BRI3BP: variants seen among roughly 807,000 people sequenced by gnomAD.
BRI3BP encodes the protein BRI3-binding protein.
Under a neutral mutation model 15.8 loss-of-function variants are expected in BRI3BP, and 7 were observed. That is an observed-to-expected ratio of 0.44 (90% CI 0.25 to 0.83). The LOEUF is 0.83. BRI3BP is among the 40% of genes least tolerant of loss of function. The pLI is 0.20. For missense variants in BRI3BP, 320 were observed against 339.3 expected (o/e 0.94, Z 0.45); for synonymous variants, 192 against 163.5 (o/e 1.17, Z -1.33).
Position 124,997,214 on chromosome 12 carries a change from C to T in BRI3BP, c.213+3211C>T, listed in dbSNP as rs200733285. Among the ~76,000 whole-genome samples, 18 of 51,526 alleles carry T rather than the reference C, an allele frequency of 3.5e-4. 1 individual carries two copies. The highest frequency in any genetic ancestry group is 1.3e-3 in the South Asian group (1 of 770). 33.8% of individuals were successfully genotyped at this position (51,526 alleles called of 152,430 possible). A position where few individuals can be genotyped will look rare whatever the true frequency, so the allele number is the denominator to read the frequency against. On this transcript the variant is annotated intron_variant, in intron 1 of 2. Coordinates refer to ENST00000341446, the MANE Select transcript of BRI3BP (RefSeq NM_080626.6). ...TCTCTTTTTTTTTTGCTTTACTTCT[C>T]TTTTTTTTTTTTTTTTTTTGAGATG...
intron 2 of BRI3BP, among the ~76,000 whole-genome samples, chr12:125,015,516 G>T (rs887169021): frequency 6.6e-6 from 1 of 152,042 alleles, no homozygotes; most frequent in Non-Finnish European, 1.5e-5. Context: ...AATTTCTGTT[G>T]TAAACCACCC....
At chr12:125,049,892 G>GT in the BRI3BP span, among the ~76,000 whole-genome samples, 1 of 152,248 alleles carries the variant, frequency 6.6e-6, no homozygotes, top group African/African-American at 2.4e-5. Flanking sequence ...AGGGGATGGG[G>GT]TGGGGACGCG....
the BRI3BP span, among the ~76,000 whole-genome samples, chr12:125,047,131 G>A: frequency 3.3e-5 from 5 of 151,792 alleles, no homozygotes; most frequent in East Asian, 1.9e-4. Flanking sequence ...ATAGCGTAAC[G>A]CAATTTCAGC....
At chr12:125,046,172 A>T in the BRI3BP span, among the ~76,000 whole-genome samples, 1 of 152,158 alleles carries the variant, frequency 6.6e-6, no homozygotes, top group Non-Finnish European at 1.5e-5. Flanking sequence ...CTCAAAAAAA[A>T]AAACCACAAA....
chr12:125,032,815 C>G (rs1955416710), downstream of BRI3BP, among the ~76,000 whole-genome samples: 1 of 152,140 alleles, frequency 6.6e-6, no homozygotes, highest in Admixed American at 6.5e-5. Context: ...AAGCAACATT[C>G]GAATTAAACA....
the BRI3BP span, among the ~76,000 whole-genome samples, chr12:125,040,759 C>G: frequency 6.7e-6 from 1 of 150,292 alleles, no homozygotes; most frequent in Non-Finnish European, 1.5e-5. Flanking sequence ...GAGACAGAGT[C>G]TTGCTGTGTT....
chr12:125,041,053 T>A, the BRI3BP span, among the ~76,000 whole-genome samples: 1 of 151,222 alleles, frequency 6.6e-6, no homozygotes, highest in Non-Finnish European at 1.5e-5. Context: ...TTTTTATTTT[T>A]ATTTTTTTTT....
chr12:125,011,643 G>T (rs371643525), intron 1 of BRI3BP, among the ~76,000 whole-genome samples: 1 of 152,200 alleles, frequency 6.6e-6, no homozygotes, highest in South Asian at 2.1e-4. Flanking sequence ...GCCAGGAAAT[G>T]AGAGGGAAGG....
chr12:125,032,251 A>G (rs1955411580), downstream of BRI3BP, among the ~76,000 whole-genome samples: 1 of 151,574 alleles, frequency 6.6e-6, no homozygotes, highest in African/African-American at 2.4e-5. Flanking sequence ...TCACGAGGTC[A>G]AGAGATCTAG....
At chr12:125,049,619 G>T in the BRI3BP span, among the ~76,000 whole-genome samples, 1 of 152,158 alleles carries the variant, frequency 6.6e-6, no homozygotes. Context: ...TGGTCGAAGG[G>T]TGACTCCGCC....
At position 125,028,015 on chromosome 12, in the gene BRI3BP, G is replaced by A. The variant is rs1370762533; in HGVS notation, c.*2585G>A. ...ATCAAATCTTTATCCATGCACATTG[G>A]AACACAGGATTACTGGGTTGAAATC... On this transcript the variant is annotated 3_prime_UTR_variant, in exon 3 of 3. Coordinates refer to ENST00000341446, the MANE Select transcript of BRI3BP (RefSeq NM_080626.6). 1 of 152,314 alleles carries A rather than the reference G, an allele frequency of 6.6e-6. No individual in the cohort carries two copies. The highest frequency in any genetic ancestry group is 2.4e-5 in the African/African-American group (1 of 41,560). The allele number at this position is 152,314 out of a possible 1,614,324, so 9.4% of individuals were successfully genotyped here. A position where few individuals can be genotyped will look rare whatever the true frequency, so the allele number is the denominator to read the frequency against.
At chr12:125,023,077 C>T (rs539078614) in intron 2 of BRI3BP, among the ~76,000 whole-genome samples, 1 of 152,292 alleles carries the variant, frequency 6.6e-6, no homozygotes, top group African/African-American at 2.4e-5. Flanking sequence ...GCTACTCTTA[C>T]ATTTCACTGC....
chr12:125,028,828 CAT>C lies in BRI3BP; in HGVS notation c.*3399_*3400del, dbSNP rs1415941326. The C allele has an allele frequency of 2.0e-5, 3 of 152,152 alleles. No homozygotes were observed. The highest frequency in any genetic ancestry group is 4.4e-5 in the Non-Finnish European group (3 of 68,020). The allele number at this position is 152,152 out of a possible 1,614,324, so 9.4% of individuals were successfully genotyped here. On this transcript the variant is annotated 3_prime_UTR_variant, in exon 3 of 3. Transcript: ENST00000341446. ...TTGGGCCTCCCCTCGCCACCCGCCA[CAT>C]GTCTTTGTTTTTTTCTCTCTTTTGT... is the stretch of plus-strand genomic sequence containing the variant.
At chr12:125,049,087 G>C in the BRI3BP span, among the ~76,000 whole-genome samples, 1 of 151,998 alleles carries the variant, frequency 6.6e-6, no homozygotes, top group African/African-American at 2.4e-5. Context: ...TCAGCCTCCC[G>C]AGTGGCTGGG....
chr12:125,036,855 G>A, the BRI3BP span, among the ~76,000 whole-genome samples: 2 of 152,304 alleles, frequency 1.3e-5, no homozygotes, highest in African/African-American at 4.8e-5. Context: ...ACTCCACCAT[G>A]TGAAGACACA....
downstream of BRI3BP, among the ~76,000 whole-genome samples, chr12:125,032,594 C>T (rs1175458291): frequency 5.3e-5 from 8 of 152,168 alleles, no homozygotes; most frequent in Non-Finnish European, 1.0e-4. Flanking sequence ...ATAGTGAGAA[C>T]TTGCCTCTAC....
At chr12:125,015,024 C>T (rs759433531) in intron 2 of BRI3BP, among the ~76,000 whole-genome samples, 2 of 152,182 alleles carry the variant, frequency 1.3e-5, no homozygotes, top group Non-Finnish European at 2.9e-5. Context: ...GTTTCAGCCT[C>T]CCAAAGTGCT....
chr12:125,009,271 G>A lies in BRI3BP; in HGVS notation c.214-3263G>A, dbSNP rs1441488082. ...GCTGGGATTACAGGTGTGGGCCACC[G>A]CACCCAGCCATCTTTTTTTTTTTTT... is the stretch of plus-strand genomic sequence containing the variant. On this transcript the variant is annotated intron_variant, in intron 1 of 2. Coordinates refer to ENST00000341446, the MANE Select transcript of BRI3BP (RefSeq NM_080626.6). 5.4e-4 allele frequency among the ~76,000 whole-genome samples: 73 copies of A among 135,358 alleles called. 1 individual carries two copies. The East Asian group carries it at 0.011, about 21-fold the overall frequency. 88.8% of individuals were successfully genotyped at this position (135,358 alleles called of 152,430 possible).
In BRI3BP at chr12:125,025,473, C is replaced by G; in HGVS notation, c.*43C>G. The stretch of plus-strand genomic sequence containing the variant: ...GGGTCCACAGTTACCAGCACGCTGT[C>G]TCAGAAAACGAAAACGGAGGAAAAA... On this transcript the variant is annotated 3_prime_UTR_variant, in exon 3 of 3. Transcript: ENST00000341446. 6.7e-7 allele frequency: 1 copy of G among 1,487,372 alleles called. No homozygotes were observed. The highest frequency in any genetic ancestry group is 9.0e-7 in the Non-Finnish European group (1 of 1,114,492). The allele number at this position is 1,487,372 out of a possible 1,614,324, so 92.1% of individuals were successfully genotyped here. A position where few individuals can be genotyped will look rare whatever the true frequency, so the allele number is the denominator to read the frequency against.
Sources: gnomAD v4.1 joint callset for allele counts (sites outside exome capture counted in the v4.1 genomes callset) on GRCh38, gnomAD v4.1.1 for gene constraint, MANE v1.5 for transcripts, NCBI Gene and HGNC (gene_info 2026-07-23, HGNC 2026-07-21) for gene names.